SLC11A1: variants seen among roughly 807,000 people sequenced by gnomAD.
The protein encoded by SLC11A1 is solute carrier family 11 member 1, also known as natural resistance-associated macrophage protein 1.
In SLC11A1, 59 loss-of-function variants were observed where a neutral mutation model predicts 63.2. That is an observed-to-expected ratio of 0.93 (90% CI 0.76 to 1.16). The LOEUF (loss-of-function observed/expected upper bound fraction) is 1.16, where lower values mean the gene tolerates loss of function less well. Among genes scored for constraint, SLC11A1 ranks in the 50% most tolerant of loss-of-function variants. SLC11A1 has a pLI of 0.00. For synonymous variants in SLC11A1, 305 were observed against 307.8 expected, an observed-to-expected ratio of 0.99 and a Z score of 0.09; for missense variants, 688 against 730.7, an observed-to-expected ratio of 0.94 and a Z score of 0.67.
chr2:218,391,616 T>C (rs1015438237), intron 11 of SLC11A1, 121 bp downstream of exon 11: 6 of 1,232,306 alleles, frequency 4.9e-6, no homozygotes, highest in Non-Finnish European at 6.5e-6. Context: ...TCCTTTTTTT[T>C]TGTTTTTGTT....
At position 218,394,770 on chromosome 2, in the gene SLC11A1, C is replaced by T; in HGVS notation, c.1527C>T (p.Gly509=). 1 of 1,612,752 alleles carries T rather than the reference C, an allele frequency of 6.2e-7. No homozygotes were observed. Among genetic ancestry groups the T allele is most frequent in the Non-Finnish European group, 8.5e-7 (1 of 1,180,020 alleles). The change falls in exon 14 of 15, where the codon GGC becomes GGT. Residue 509 remains glycine, a synonymous_variant. Coordinates refer to ENST00000233202, the MANE Select transcript of SLC11A1 (RefSeq NM_000578.4). Reference sequence around the variant, plus strand: ...CCTTGCTGGCCGCAGCCTACCTGGGCCTCAGCACCTACCTGGTACAGTAGG... The same window carrying T: ...CCTTGCTGGCCGCAGCCTACCTGGGTCTCAGCACCTACCTGGTACAGTAGG... ...LAALLAAAYL[G]LSTYLVWTCC... is the part of the protein sequence containing the mutation.
At position 218,394,933 on chromosome 2, in the gene SLC11A1, C is replaced by T. The variant is rs757532528; in HGVS notation, c.1551C>T (p.Thr517=). 8.7e-6 allele frequency: 14 copies of T among 1,612,890 alleles called. No individual in the cohort carries two copies. The African/African-American group carries it at 1.5e-4, about 17-fold the overall frequency. Reference sequence around the variant, plus strand: ...GGTTGCCCCTCCCCCAGGTCTGGACCTGTTGCCTTGCCCACGGAGCCACCT... The same window carrying T: ...GGTTGCCCCTCCCCCAGGTCTGGACTTGTTGCCTTGCCCACGGAGCCACCT... The part of the protein sequence containing the change: ...YLGLSTYLVW[T]CCLAHGATFL... The change falls in exon 15 of 15, where the codon ACC becomes ACT. Residue 517 remains threonine (T), a synonymous_variant. Transcript: ENST00000233202.
At position 218,384,303 on chromosome 2, in the gene SLC11A1, G is replaced by A. The variant is rs1695959368; in HGVS notation, c.211G>A (p.Ala71Thr). The change falls in exon 3 of 15, where the codon GCT becomes ACT. Residue 71 changes from alanine to threonine, a missense_variant. Ala to Thr is a moderately conservative substitution (Grantham distance 58). Transcript: ENST00000233202. This position sits in a 1 kb window ranked among gnomAD's most constrained non-coding sequence, Gnocchi z 4.0. The part of the protein sequence containing the change: ...FTGPGFLMSI[A>T]FLDPGNIESD... ...GGGGCCTGGCTTCCTCATGAGCATTGCTTTCCTGGACCCAGGAAACATCGA... is the reference window on the plus strand; with the variant it reads ...GGGGCCTGGCTTCCTCATGAGCATTACTTTCCTGGACCCAGGAAACATCGA... 3.1e-6 allele frequency: 5 copies of A among 1,608,916 alleles called. No homozygotes were observed. The highest frequency in any genetic ancestry group is 4.3e-6 in the Non-Finnish European group (5 of 1,176,466).
Position 218,383,395 on chromosome 2 carries a change from T to A in SLC11A1, c.150+293T>A, listed in dbSNP as rs752842868. ...GGATTGGAGCCTTGAGGACATGTTA[T>A]AGCATTTAGGAAAGGGCATAGGGAG... On this transcript the variant is annotated intron_variant, in intron 2 of 14. Transcript: ENST00000233202. 1.1e-5 allele frequency: 4 copies of A among 365,512 alleles called. No homozygotes were observed. The East Asian group carries it at 1.5e-4, about 14-fold the overall frequency. 22.6% of individuals were successfully genotyped at this position (365,512 alleles called of 1,614,324 possible). A position where few individuals can be genotyped will look rare whatever the true frequency, so the allele number is the denominator to read the frequency against.
intron 8 of SLC11A1, among the ~76,000 whole-genome samples, chr2:218,389,590 AT>A (rs530631928): frequency 8.9e-4 from 136 of 152,260 alleles, no homozygotes; most frequent in African/African-American, 3.0e-3. Context: ...ACGTCTGAGG[AT>A]GGAACAAGGT....
intron 8 of SLC11A1, chr2:218,388,289 A>C (rs1574769605): frequency 8.8e-6 from 2 of 227,134 alleles, no homozygotes; most frequent in Non-Finnish European, 1.7e-5. Flanking sequence ...AATCGCTTGA[A>C]CCCGGGAGGC....
In SLC11A1 at chr2:218,382,613, C is replaced by T. The variant is rs546865920; in HGVS notation, c.7+238C>T. 1.1e-4 allele frequency among the ~76,000 whole-genome samples: 17 copies of T among 152,328 alleles called. No homozygotes were observed. The South Asian group carries it at 1.5e-3, about 13-fold the overall frequency. Reference sequence around the variant, plus strand: ...TTTGTCTGAAGTCCGTGGATCAAAGCCCCTGGAGCTTTCTGGGCTGCCGGA... The same window carrying T: ...TTTGTCTGAAGTCCGTGGATCAAAGTCCCTGGAGCTTTCTGGGCTGCCGGA... On this transcript the variant is annotated intron_variant, in intron 1 of 14. Coordinates refer to ENST00000233202, the MANE Select transcript of SLC11A1 (RefSeq NM_000578.4).
intron 10 of SLC11A1, 21 bp downstream of exon 10, chr2:218,391,308 A>AGCGGGGGGGGGGGGGGG: frequency 1.4e-6 from 1 of 723,830 alleles, no homozygotes; most frequent in Admixed American, 2.2e-5. Context: ...GTGGGTGGGG[A>AGCGGGGGGGGGGGGGGG]GGGCGTGACC....
At position 218,386,616 on chromosome 2, in the gene SLC11A1, G is replaced by C. The variant is rs1696117913; in HGVS notation, c.394-19G>C. 1.9e-6 allele frequency: 3 copies of C among 1,582,386 alleles called. No individual in the cohort carries two copies. Among genetic ancestry groups the C allele is most frequent in the Non-Finnish European group, 2.6e-6 (3 of 1,154,244 alleles). Reference sequence around the variant, plus strand: ...AATAACCGGCCCACCCTTAATGAAGGATCATCTCCTCCCCATAGGTGCCCC... The same window carrying C: ...AATAACCGGCCCACCCTTAATGAAGCATCATCTCCTCCCCATAGGTGCCCC... On this transcript the variant is annotated intron_variant, in intron 4 of 14. Coordinates refer to ENST00000233202, the MANE Select transcript of SLC11A1 (RefSeq NM_000578.4).
chr2:218,395,698 C>T lies in SLC11A1; in HGVS notation c.*663C>T, dbSNP rs1696719320. 6.6e-6 allele frequency: 1 copy of T among 152,306 alleles called. No homozygotes were observed. Among genetic ancestry groups the T allele is most frequent in the Non-Finnish European group, 1.5e-5 (1 of 68,082 alleles). 9.4% of individuals were successfully genotyped at this position (152,306 alleles called of 1,614,324 possible). ...GAACTGCTGGATTCAAGTGATCCGC[C>T]CATCTCCGTCTCCCAAAGTGCTGGG... On this transcript the variant is annotated 3_prime_UTR_variant, in exon 15 of 15. Coordinates refer to ENST00000233202, the MANE Select transcript of SLC11A1 (RefSeq NM_000578.4).
At chr2:218,392,899 C>T in intron 11 of SLC11A1, 82 bp from the exon 12 acceptor site, 3 of 1,142,128 alleles carry the variant, frequency 2.6e-6, no homozygotes, top group South Asian at 3.1e-5. Flanking sequence ...AGGGATAAAT[C>T]GGTTGAGGGA....
rs199693987 is a variant in SLC11A1, at chr2:218,384,400, G to T, written c.273+35G>T. On this transcript the variant is annotated intron_variant, in intron 3 of 14. Transcript: ENST00000233202. The surrounding 1 kb of genome is among the most constrained non-coding windows in gnomAD (Gnocchi z 4.0). The stretch of plus-strand genomic sequence containing the variant: ...TCGGGACCTGAGTGGGGACACTTTC[G>T]AGAGGGAGGTGACCAGGCTAAGTGT... The T allele has an allele frequency of 6.4e-7, 1 of 1,574,262 alleles. No individual in the cohort carries two copies. Among genetic ancestry groups the T allele is most frequent in the Non-Finnish European group, 8.7e-7 (1 of 1,151,356 alleles).
chr2:218,388,122 C>T, intron 8 of SLC11A1, 167 bp downstream of exon 8: 1 of 820,226 alleles, frequency 1.2e-6, no homozygotes, highest in African/African-American at 1.8e-5. Context: ...GTAATCCCAG[C>T]ACTTTGGGAG....
rs562681370 is a variant in SLC11A1 at position 218,383,047 on chromosome 2, C to G, written c.95C>G (p.Ala32Gly). 6.2e-7 allele frequency: 1 copy of G among 1,614,088 alleles called. No individual in the cohort carries two copies. Among genetic ancestry groups the G allele is most frequent in the African/African-American group, 1.3e-5 (1 of 75,034 alleles). Residue 32 changes from alanine (A) to glycine (G), a missense_variant, in exon 2 of 15, where the codon GCA becomes GGA. Ala to Gly is a moderately conservative substitution (Grantham distance 60). Transcript: ENST00000233202. ...CCGACCAGCCCAGGGCCACAGCAAG[C>G]ACCTCCCAGAGAGACCTACCTGAGT... The part of the protein sequence containing the change: ...TSPTSPGPQQ[A>G]PPRETYLSEK...
chr2:218,386,071 T>C (rs1458291590), intron 4 of SLC11A1, among the ~76,000 whole-genome samples: 1 of 152,138 alleles, frequency 6.6e-6, no homozygotes, highest in Non-Finnish European at 1.5e-5. Context: ...CTGGAAGCAT[T>C]ATTGATGCTG....
chr2:218,386,678 T>C lies in SLC11A1; in HGVS notation c.437T>C (p.Val146Ala). 5.6e-6 allele frequency: 9 copies of C among 1,614,126 alleles called. No individual in the cohort carries two copies. The highest frequency in any genetic ancestry group is 7.6e-6 in the Non-Finnish European group (9 of 1,180,008). The change falls in exon 5 of 15, where the codon GTG becomes GCG. Residue 146 changes from valine to alanine, a missense_variant. Coordinates refer to ENST00000233202, the MANE Select transcript of SLC11A1 (RefSeq NM_000578.4). Reference protein sequence around the residue: ...VLWLTIELAIVGSDMQEVIGT... With the variant: ...VLWLTIELAIAGSDMQEVIGT... ...TGGCTGACCATCGAGCTAGCCATTG[T>C]GGGCTCCGACATGCAGGAAGTCATC... is the stretch of plus-strand genomic sequence containing the variant.
At position 218,394,949 on chromosome 2, in the gene SLC11A1, G is replaced by T; in HGVS notation, c.1567G>T (p.Gly523Ter). 6.2e-7 allele frequency: 1 copy of T among 1,613,204 alleles called. No homozygotes were observed. Among genetic ancestry groups the T allele is most frequent in the East Asian group, 2.2e-5 (1 of 44,866 alleles). Residue 523 changes from glycine (G) to a stop codon, truncating the protein, a stop_gained, in exon 15 of 15, where the codon GGA (glycine) becomes TGA (stop). Transcript: ENST00000233202. LOFTEE classifies it low-confidence loss of function (END_TRUNC). ...GGTCTGGACCTGTTGCCTTGCCCAC[G>T]GAGCCACCTTTCTGGCCCACAGCTC... is the stretch of plus-strand genomic sequence containing the variant. Reference protein sequence around the residue: ...YLVWTCCLAHGATFLAHSSHH... With the variant: ...YLVWTCCLAH
intron 8 of SLC11A1, among the ~76,000 whole-genome samples, chr2:218,389,341 T>C (rs1200505243): frequency 1.3e-5 from 2 of 150,174 alleles, no homozygotes; most frequent in Non-Finnish European, 3.0e-5. Context: ...GACAGGAGAA[T>C]GCTTGAGCCC....
In SLC11A1 at chr2:218,391,389, G is replaced by T. The variant is rs367855750; in HGVS notation, c.1058G>T (p.Gly353Val). ...VDIYQGGVIL[G>V]CLFGPAALYI... ...TCGTCCCTGCAGGGCGTGATCCTGG[G>T]CTGCCTGTTCGGCCCCGCGGCCCTC... The change falls in exon 11 of 15, where the codon GGC becomes GTC. Residue 353 changes from glycine to valine, a missense_variant. By Grantham distance (109) the Gly-to-Val change is moderately radical. Coordinates refer to ENST00000233202, the MANE Select transcript of SLC11A1 (RefSeq NM_000578.4). The T allele has an allele frequency of 3.7e-6, 6 of 1,613,862 alleles. No homozygotes were observed. In the African/African-American group the frequency reaches 6.7e-5, roughly 18 times the overall value.
Sources: allele counts gnomAD v4.1 joint callset (sites outside exome capture counted in the v4.1 genomes callset), GRCh38; gene constraint gnomAD v4.1.1; non-coding constraint Gnocchi (gnomAD v3.1); transcripts MANE v1.5; gene names NCBI Gene and HGNC (gene_info 2026-07-23, HGNC 2026-07-21).